ANKRD13B: variants seen among roughly 807,000 people sequenced by gnomAD.
ANKRD13B encodes ankyrin repeat domain 13B.
A neutral mutation model predicts 74.4 loss-of-function variants in ANKRD13B; 33 were observed. The observed-to-expected ratio is 0.44, with a 90% CI of 0.34 to 0.59. The LOEUF (loss-of-function observed/expected upper bound fraction) is 0.59, where lower values mean the gene tolerates loss of function less well. Ranked by LOEUF, ANKRD13B falls within the 20% of genes least tolerant of loss-of-function variation. The pLI is 0.02. For missense variants in ANKRD13B, 676 were observed against 877.9 expected (o/e 0.77, Z 2.91); for synonymous variants, 341 against 362.9 (o/e 0.94, Z 0.68).
chr17:29,593,670 C>G lies in ANKRD13B; in HGVS notation c.49C>G (p.Pro17Ala). The change falls in exon 1 of 15, where the codon CCG (proline) becomes GCG (alanine). Residue 17 changes from proline (P) to alanine (A), a missense_variant. Transcript: ENST00000394859. Reference protein sequence around the residue: ...SARKGPEGKYPLHYLVWHNRH... With the variant: ...SARKGPEGKYALHYLVWHNRH... ...CAGGAAGGGGCCCGAGGGCAAGTAT[C>G]CGCTGCACTACCTCGTGTGGCACAA... The G allele has an allele frequency of 1.4e-6, 2 of 1,441,304 alleles. No individual in the cohort carries two copies. The highest frequency in any genetic ancestry group is 1.4e-5 in the South Asian group (1 of 72,780). The allele number at this position is 1,441,304 out of a possible 1,614,324, so 89.3% of individuals were successfully genotyped here.
rs1364991080 is a variant in ANKRD13B, at chr17:29,613,468, G to C, written c.1767G>C (p.Gln589His). Residue 589 changes from glutamine (Q) to histidine (H), a missense_variant, in exon 15 of 15, where the codon CAG becomes CAC. This residue lies in a region of ANKRD13B where 108 missense variants were observed against 90.3 expected (regional missense o/e 1.20). Coordinates refer to ENST00000394859, the MANE Select transcript of ANKRD13B (RefSeq NM_152345.5). ...GGHVFRSYDE[Q>H]LRLAMELSAQ... is the part of the protein sequence containing the mutation. Reference sequence around the variant, plus strand: ...ACGTGTTCCGGAGCTACGACGAGCAGCTGCGGCTGGCGATGGAACTGTCGG... The same window carrying C: ...ACGTGTTCCGGAGCTACGACGAGCACCTGCGGCTGGCGATGGAACTGTCGG... 1 of 1,533,132 alleles carries C rather than the reference G, an allele frequency of 6.5e-7. No homozygotes were observed. 95.0% of individuals were successfully genotyped at this position (1,533,132 alleles called of 1,614,324 possible).
Position 29,608,936 on chromosome 17 carries a change from G to A in ANKRD13B, c.507G>A (p.Leu169=). 6.2e-7 allele frequency: 1 copy of A among 1,614,094 alleles called. No homozygotes were observed. The highest frequency in any genetic ancestry group is 8.5e-7 in the Non-Finnish European group (1 of 1,180,012). The stretch of plus-strand genomic sequence containing the variant: ...ACCTGAGGGTAGACACCACACTCCT[G>A]GGCTTTGACCACATGACCTGGCAGC... ...GQNLRVDTTL[L]GFDHMTWQRG... is the part of the protein sequence containing the mutation. Residue 169 remains leucine (L), a synonymous_variant, in exon 5 of 15, where the codon CTG becomes CTA. Coordinates refer to ENST00000394859, the MANE Select transcript of ANKRD13B (RefSeq NM_152345.5). The surrounding 1 kb of genome is among the most constrained non-coding windows in gnomAD (Gnocchi z 6.4).
At chr17:29,594,334 T>G (rs2033877367) in intron 1 of ANKRD13B, among the ~76,000 whole-genome samples, 1 of 152,216 alleles carries the variant, frequency 6.6e-6, no homozygotes, top group South Asian at 2.1e-4. Context: ...AAAAGCGCTC[T>G]CCTGCCCTCT....
chr17:29,608,888 C>A lies in ANKRD13B; in HGVS notation c.459C>A (p.Tyr153Ter). 1 of 1,614,166 alleles carries A rather than the reference C, an allele frequency of 6.2e-7. No homozygotes were observed. Among genetic ancestry groups the A allele is most frequent in the Non-Finnish European group, 8.5e-7 (1 of 1,180,038 alleles). ...CCAAGATCTGCCCTAGTGACACCTA[C>A]AAAGTGTGGAAGAGCGGCCAGAACC... ...LVSKICPSDT[Y>*]KVWKSGQNLR... Residue 153 changes from tyrosine (Y) to a stop codon, truncating the protein, a stop_gained, in exon 5 of 15, where the codon TAC becomes TAA. Transcript: ENST00000394859. LOFTEE classifies it high-confidence loss of function. This position sits in a 1 kb window ranked among gnomAD's most constrained non-coding sequence, Gnocchi z 6.4.
At chr17:29,593,826 C>T (rs1220098892) in intron 1 of ANKRD13B, 91 bp downstream of exon 1, 7 of 689,744 alleles carry the variant, frequency 1.0e-5, no homozygotes, top group African/African-American at 1.9e-5. Context: ...TGTCCCGCCT[C>T]CCTGGCGAGT....
At chr17:29,598,794 A>G (rs3098944) in intron 1 of ANKRD13B, among the ~76,000 whole-genome samples, 99,344 of 152,028 alleles carry the variant, frequency 0.65, 34,553 homozygotes, top group African/African-American at 0.9. Flanking sequence ...CAAGTGATCC[A>G]CCTACTTTGG....
chr17:29,612,829 G>C lies in ANKRD13B; in HGVS notation c.1575+14G>C. The C allele has an allele frequency of 6.2e-7, 1 of 1,600,240 alleles. No homozygotes were observed. The highest frequency in any genetic ancestry group is 8.5e-7 in the Non-Finnish European group (1 of 1,178,228). ...GAGTATGACCAGGTGCGTCTCCGCG[G>C]GCGCGCGGGGCCACGGGACTCCGCG... On this transcript the variant is annotated intron_variant, in intron 13 of 14. Coordinates refer to ENST00000394859, the MANE Select transcript of ANKRD13B (RefSeq NM_152345.5). The surrounding 1 kb of genome is among the most constrained non-coding windows in gnomAD (Gnocchi z 6.1).
At chr17:29,595,510 G>T (rs899512539) in intron 1 of ANKRD13B, among the ~76,000 whole-genome samples, 2 of 152,178 alleles carry the variant, frequency 1.3e-5, no homozygotes, top group Non-Finnish European at 2.9e-5. Context: ...GACTTCTCCA[G>T]CAGGCCTCTC....
rs58154361 is a variant in ANKRD13B at position 29,611,208 on chromosome 17, A to C, written c.905-371A>C. ...AGCATAATTTCTACCTCACAGGGGAACAACATGAAATCATGCCTATGGAAG... is the reference window on the plus strand; with the variant it reads ...AGCATAATTTCTACCTCACAGGGGACCAACATGAAATCATGCCTATGGAAG... On this transcript the variant is annotated intron_variant, in intron 8 of 14. Transcript: ENST00000394859. This position sits in a 1 kb window ranked among gnomAD's most constrained non-coding sequence, Gnocchi z 4.3. Among the ~76,000 whole-genome samples the C allele has an allele frequency of 0.012, 1,785 of 152,318 alleles. 37 individuals are homozygous for C. The highest frequency in any genetic ancestry group is 0.038 in the African/African-American group (1,594 of 41,558).
intron 1 of ANKRD13B, among the ~76,000 whole-genome samples, chr17:29,603,415 G>A (rs2034251914): frequency 1.3e-5 from 2 of 152,070 alleles, no homozygotes; most frequent in Admixed American, 1.3e-4. Flanking sequence ...TAATGTAAAA[G>A]TTGTTTTGTT....
intron 1 of ANKRD13B, among the ~76,000 whole-genome samples, chr17:29,603,749 CTCATGAACATCTTTT>C (rs1276771515): frequency 6.6e-6 from 1 of 152,116 alleles, no homozygotes; most frequent in African/African-American, 2.4e-5. Flanking sequence ...CATTCCTCTC[CTCATGAACATCTTTT>C]TCATGTTTTT....
chr17:29,613,039 C>G, intron 14 of ANKRD13B, 76 bp downstream of exon 14: 1 of 1,523,408 alleles, frequency 6.6e-7, no homozygotes, highest in Non-Finnish European at 8.8e-7. Context: ...AGCCGGAGAA[C>G]CCGCGGGGCC....
intron 1 of ANKRD13B, among the ~76,000 whole-genome samples, chr17:29,607,135 T>C (rs1328545981): frequency 2.0e-5 from 3 of 152,234 alleles, no homozygotes; most frequent in African/African-American, 7.2e-5. Flanking sequence ...GTAATCATGT[T>C]ATTCACAAAA....
chr17:29,604,795 C>T (rs1442318680), intron 1 of ANKRD13B, among the ~76,000 whole-genome samples: 2 of 151,250 alleles, frequency 1.3e-5, no homozygotes, highest in African/African-American at 4.9e-5. Flanking sequence ...TGCCCGCCTC[C>T]GCCTCCCAAA....
chr17:29,593,895 A>ATGGGAGCGGTCCCTGCCCGC, intron 1 of ANKRD13B, 160 bp downstream of exon 1: 1 of 315,506 alleles, frequency 3.2e-6, no homozygotes, highest in Non-Finnish European at 5.6e-6. Context: ...GGAAAGGGTG[A>ATGGGAGCGGTCCCTGCCCGC]TCCCCTCCGG....
rs576761594 is a variant in ANKRD13B, at chr17:29,613,495, G to A, written c.1794G>A (p.Ala598=). The change falls in exon 15 of 15, where the codon GCG becomes GCA. Residue 598 remains alanine, a synonymous_variant. Coordinates refer to ENST00000394859, the MANE Select transcript of ANKRD13B (RefSeq NM_152345.5). ...TGCGGCTGGCGATGGAACTGTCGGC[G>A]CAGGAGCAGGAGGAGAGGCGGCGGC... ...EQLRLAMELS[A]QEQEERRRRA... The A allele has an allele frequency of 1.0e-5, 16 of 1,531,800 alleles. No individual in the cohort carries two copies. The East Asian group carries it at 3.6e-4, about 35-fold the overall frequency. 94.9% of individuals were successfully genotyped at this position (1,531,800 alleles called of 1,614,324 possible).
At position 29,607,816 on chromosome 17, in the gene ANKRD13B, T is replaced by C; in HGVS notation, c.189T>C (p.Cys63=). Residue 63 remains cysteine (C), a synonymous_variant, in exon 2 of 15, where the codon TGT becomes TGC. Transcript: ENST00000394859. Reference sequence around the variant, plus strand: ...CCACCACGCTGGGGCACCTTGAGTGTGCCCGTGTGCTCCTGGCGCACGGCG... The same window carrying C: ...CCACCACGCTGGGGCACCTTGAGTGCGCCCGTGTGCTCCTGGCGCACGGCG... ...HLATTLGHLE[C]ARVLLAHGAD... 1 of 1,604,528 alleles carries C rather than the reference T, an allele frequency of 6.2e-7. No individual in the cohort carries two copies. The highest frequency in any genetic ancestry group is 8.5e-7 in the Non-Finnish European group (1 of 1,179,718).
At chr17:29,601,643 T>C (rs1280942540) in intron 1 of ANKRD13B, among the ~76,000 whole-genome samples, 1 of 152,224 alleles carries the variant, frequency 6.6e-6, no homozygotes, top group Non-Finnish European at 1.5e-5. Context: ...TTCCTGCACA[T>C]CTGGCAATAA....
intron 1 of ANKRD13B, among the ~76,000 whole-genome samples, chr17:29,596,193 C>A (rs928081597): frequency 1.4e-4 from 22 of 152,370 alleles, no homozygotes; most frequent in Admixed American, 9.8e-4. Flanking sequence ...GGCAGTGCAG[C>A]TGGCTGAGGA....
Sources: gnomAD v4.1 joint callset for allele counts (sites outside exome capture counted in the v4.1 genomes callset) on GRCh38, gnomAD v4.1.1 for gene constraint, gnomAD v4.1.1 regional missense constraint, Gnocchi (gnomAD v3.1) non-coding constraint, MANE v1.5 for transcripts, NCBI Gene and HGNC (gene_info 2026-07-23, HGNC 2026-07-21) for gene names.